The following PFKFB2 variants were observed in gnomAD, a reference collection of about 807,000 sequenced individuals.
PFKFB2 encodes the protein 6-phosphofructo-2-kinase/fructose-2,6-bisphosphatase 2.
PFKFB2 carries 53 observed loss-of-function variants against 68.0 expected under a neutral mutation model. The observed-to-expected ratio is 0.78, with a 90% CI of 0.63 to 0.98. PFKFB2 has a LOEUF of 0.98. PFKFB2 is among the 50% of genes least tolerant of loss of function. The pLI is 0.00. For synonymous variants in PFKFB2, 222 were observed against 227.6 expected (o/e 0.98, Z 0.22); for missense variants, 451 against 642.0 (o/e 0.70, Z 3.22).
intron 2 of PFKFB2, among the ~76,000 whole-genome samples, chr1:207,055,444 CGAG>C (rs1174354562): frequency 1.3e-5 from 2 of 152,034 alleles, no homozygotes; most frequent in African/African-American, 2.4e-5. Context: ...GGAGGGTTTG[CGAG>C]GAGATGAAGC....
intron 7 of PFKFB2, 100 bp from the exon 8 acceptor site, chr1:207,064,936 T>G: frequency 4.9e-5 from 64 of 1,316,768 alleles, no homozygotes; most frequent in Middle Eastern, 2.6e-4. Flanking sequence ...AAAGGCGACA[T>G]TTATGGACTT....
Position 207,070,771 on chromosome 1 carries a change from G to T in PFKFB2, c.1222+362G>T. The T allele has an allele frequency of 3.5e-6, 1 of 289,478 alleles. No homozygotes were observed. The highest frequency in any genetic ancestry group is 6.6e-6 in the Non-Finnish European group (1 of 150,730). The allele number at this position is 289,478 out of a possible 1,614,324, so 17.9% of individuals were successfully genotyped here. On this transcript the variant is annotated intron_variant, in intron 12 of 14. Transcript: ENST00000367080. The surrounding 1 kb of genome is among the most constrained non-coding windows in gnomAD (Gnocchi z 4.2). ...GAGCAGCAGTTGTTTCTGGGTAAGG[G>T]CAGTAAGAAGGTGCCGTTGCCTTCT...
rs1006866250 is a variant in PFKFB2, at chr1:207,042,415, G to GT, written c.-18+204dup. ...TACGAAAAATTAGCTGGGCGTGGTG[G>GT]TGGGCGCCTGTAGTCCCAGCTACTT... On this transcript the variant is annotated intron_variant, in intron 2 of 5. Transcript: ENST00000545806. 1.7e-4 allele frequency among the ~76,000 whole-genome samples: 26 copies of GT among 151,808 alleles called. No homozygotes were observed. The East Asian group carries it at 2.1e-3, about 12-fold the overall frequency.
intron 1 of PFKFB2, among the ~76,000 whole-genome samples, chr1:207,039,352 C>G (rs534848249): frequency 1.3e-5 from 2 of 152,042 alleles, no homozygotes; most frequent in Admixed American, 1.3e-4. Context: ...AAAATTTTGT[C>G]CATAATTAGG....
chr1:207,068,852 A>G (rs1558063984), intron 10 of PFKFB2, among the ~76,000 whole-genome samples: 1 of 151,508 alleles, frequency 6.6e-6, no homozygotes, highest in Non-Finnish European at 1.5e-5. Flanking sequence ...GGTTCAAGCA[A>G]TTCTCTCCCT....
intron 11 of PFKFB2, 65 bp downstream of exon 11, chr1:207,069,593 G>A (rs1683406397): frequency 2.9e-6 from 3 of 1,051,378 alleles, no homozygotes; most frequent in Non-Finnish European, 4.4e-6. Flanking sequence ...CTTTAATTTG[G>A]GGGAAGGATT....
At chr1:207,053,492 G>A (rs1682816471) in intron 1 of PFKFB2, 126 bp downstream of exon 1, 1 of 152,810 alleles carries the variant, frequency 6.5e-6, no homozygotes. Flanking sequence ...GGACGTTCTG[G>A]GACCGGGAGC....
chr1:207,060,667 G>T (rs1431366312), intron 2 of PFKFB2, among the ~76,000 whole-genome samples: 1 of 152,172 alleles, frequency 6.6e-6, no homozygotes, highest in African/African-American at 2.4e-5. Context: ...CAGAAACTCT[G>T]TTGGACCTAT....
Position 207,063,116 on chromosome 1 carries a change from T to G in PFKFB2, c.309-27T>G, listed in dbSNP as rs2102351485. 1 of 1,602,380 alleles carries G rather than the reference T, an allele frequency of 6.2e-7. No homozygotes were observed. The highest frequency in any genetic ancestry group is 1.3e-5 in the African/African-American group (1 of 74,768). ...CTGACTGTTTGAGCTTAGCTCTCCT[T>G]GCTGGTTTCATTTGCTCTTATGGCA... On this transcript the variant is annotated intron_variant, in intron 4 of 14. Coordinates refer to ENST00000367080, the MANE Select transcript of PFKFB2 (RefSeq NM_006212.2). This position sits in a 1 kb window ranked among gnomAD's most constrained non-coding sequence, Gnocchi z 4.1.
chr1:207,080,321 A>G (rs1683731728), downstream of PFKFB2: 1 of 152,210 alleles, frequency 6.6e-6, no homozygotes, highest in African/African-American at 2.4e-5. Flanking sequence ...GGTGAGTAGC[A>G]AGAAAAGTAA....
At position 207,063,075 on chromosome 1, in the gene PFKFB2, C is replaced by A; in HGVS notation, c.309-68C>A. ...GCAGGGATGTGACTTCTGTAGCCAC[C>A]CGAATGTTTGTGTCTCTGACTGTTT... On this transcript the variant is annotated intron_variant, in intron 4 of 14. Coordinates refer to ENST00000367080, the MANE Select transcript of PFKFB2 (RefSeq NM_006212.2). The surrounding 1 kb of genome is among the most constrained non-coding windows in gnomAD (Gnocchi z 4.1). 1 of 1,327,782 alleles carries A rather than the reference C, an allele frequency of 7.5e-7. No homozygotes were observed. Among genetic ancestry groups the A allele is most frequent in the Non-Finnish European group, 1.1e-6 (1 of 920,778 alleles). The allele number at this position is 1,327,782 out of a possible 1,614,324, so 82.3% of individuals were successfully genotyped here. A position where few individuals can be genotyped will look rare whatever the true frequency, so the allele number is the denominator to read the frequency against.
chr1:207,050,461 G>T (rs963788986), upstream of PFKFB2, among the ~76,000 whole-genome samples: 1 of 152,236 alleles, frequency 6.6e-6, no homozygotes, highest in South Asian at 2.1e-4. Context: ...GGGGAAGGGG[G>T]TCTTCAAGGC....
At chr1:207,069,052 C>T (rs1683391207) in intron 10 of PFKFB2, among the ~76,000 whole-genome samples, 1 of 152,150 alleles carries the variant, frequency 6.6e-6, no homozygotes, top group Admixed American at 6.5e-5. Context: ...GCCGACATTT[C>T]TTTTTCTTTC....
At chr1:207,068,557 G>T (rs1052930020) in intron 10 of PFKFB2, among the ~76,000 whole-genome samples, 2 of 151,986 alleles carry the variant, frequency 1.3e-5, no homozygotes, top group African/African-American at 4.8e-5. Flanking sequence ...AGCCTTTCTG[G>T]CACCTGGGGA....
At position 207,072,376 on chromosome 1, in the gene PFKFB2, A is replaced by C; in HGVS notation, c.*5A>C. The C allele has an allele frequency of 6.2e-7, 1 of 1,612,400 alleles. No individual in the cohort carries two copies. Among genetic ancestry groups the C allele is most frequent in the Non-Finnish European group, 8.5e-7 (1 of 1,179,154 alleles). The stretch of plus-strand genomic sequence containing the variant: ...ATGCAAGAAGGGGCCGACTAGCCGA[A>C]GACCCAAGTCAGCATTCCGGTGGTG... On this transcript the variant is annotated 3_prime_UTR_variant, in exon 15 of 15. Coordinates refer to ENST00000367080, the MANE Select transcript of PFKFB2 (RefSeq NM_006212.2).
At chr1:207,061,818 G>A in intron 2 of PFKFB2, 135 bp from the exon 3 acceptor site, 1 of 716,832 alleles carries the variant, frequency 1.4e-6, no homozygotes. Context: ...GGAGGCGGAG[G>A]TTGCAATGAG....
chr1:207,049,016 T>C (rs769025171), upstream of PFKFB2: 74 of 1,611,532 alleles, frequency 4.6e-5, no homozygotes, highest in Admixed American at 6.5e-4. Flanking sequence ...CATTCATGCA[T>C]AGGTCACACT....
chr1:207,058,009 A>G (rs1682981036), intron 2 of PFKFB2, among the ~76,000 whole-genome samples: 1 of 152,252 alleles, frequency 6.6e-6, no homozygotes, highest in African/African-American at 2.4e-5. Context: ...CACATTGGAA[A>G]TGTTCATCAG....
At chr1:207,037,296 A>T (rs1682394689) in intron 1 of PFKFB2, among the ~76,000 whole-genome samples, 1 of 152,082 alleles carries the variant, frequency 6.6e-6, no homozygotes, top group South Asian at 2.1e-4. Flanking sequence ...TGCTTCTCTA[A>T]TCTCTCCTGA....
Sources: gnomAD v4.1 joint callset for allele counts (sites outside exome capture counted in the v4.1 genomes callset) on GRCh38, gnomAD v4.1.1 for gene constraint, Gnocchi (gnomAD v3.1) non-coding constraint, MANE v1.5 for transcripts, NCBI Gene and HGNC (gene_info 2026-07-23, HGNC 2026-07-21) for gene names.